Variants in ALG14 observed in about 807,000 individuals in gnomAD.
The protein encoded by ALG14 is UDP-N-acetylglucosamine transferase subunit ALG14.
Under a neutral mutation model 22.8 loss-of-function variants are expected in ALG14, and 17 were observed. The observed-to-expected ratio is 0.75, with a 90% CI of 0.51 to 1.12. The LOEUF (loss-of-function observed/expected upper bound fraction) is 1.12, where lower values mean the gene tolerates loss of function less well. Among genes scored for constraint, ALG14 ranks in the 50% most tolerant of loss-of-function variants. ALG14 has a pLI of 0.00. For missense variants in ALG14, 288 were observed against 271.8 expected (o/e 1.06, Z -0.42); for synonymous variants, 89 against 103.7 (o/e 0.86, Z 0.86).
intron 3 of ALG14, among the ~76,000 whole-genome samples, chr1:95,004,387 A>C (rs1233837506): frequency 6.6e-6 from 1 of 151,688 alleles, no homozygotes; most frequent in Non-Finnish European, 1.5e-5. Context: ...ATACCTGGCT[A>C]ATTTTCGTAT....
At chr1:95,000,154 G>T (rs1673019892) in intron 3 of ALG14, among the ~76,000 whole-genome samples, 1 of 152,168 alleles carries the variant, frequency 6.6e-6, no homozygotes, top group Non-Finnish European at 1.5e-5. Context: ...GTGGTTTGAA[G>T]GCTCACCTGA....
Position 94,977,995 on chromosome 1 carries a change from CG to C in ALG14, c.*5080del, listed in dbSNP as rs1672427972. The C allele has an allele frequency of 6.6e-6, 1 of 151,684 alleles. No homozygotes were observed. The highest frequency in any genetic ancestry group is 1.5e-5 in the Non-Finnish European group (1 of 67,948). The allele number at this position is 151,684 out of a possible 1,614,324, so 9.4% of individuals were successfully genotyped here. On this transcript the variant is annotated 3_prime_UTR_variant, in exon 4 of 4. Coordinates refer to ENST00000370205, the MANE Select transcript of ALG14 (RefSeq NM_144988.4). The stretch of plus-strand genomic sequence containing the variant: ...GTATAATGAGGTCCTGAGATCAAAA[CG>C]TTTGTGAAGCACTGGTCTAGATAAA...
chr1:95,072,883 C>T lies in ALG14; in HGVS notation c.16G>A (p.Val6Ile), dbSNP rs756921157. MVCVLVLAAAAGAVAV... is the reference protein window; with the variant it reads MVCVLILAAAAGAVAV... ...ACAGCTCCTGCGGCCGCAGCTAGAA[C>T]GAGAACGCACACCATGCAGAGAAAC... The change falls in exon 1 of 4, where the codon GTT becomes ATT. Residue 6 changes from valine to isoleucine, a missense_variant. Coordinates refer to ENST00000370205, the MANE Select transcript of ALG14 (RefSeq NM_144988.4). The T allele has an allele frequency of 2.0e-5, 32 of 1,613,952 alleles. No individual in the cohort carries two copies. The highest frequency in any genetic ancestry group is 2.4e-5 in the Non-Finnish European group (28 of 1,180,016).
intron 1 of ALG14, 96 bp from the exon 2 acceptor site, chr1:95,065,113 T>A (rs754951451): frequency 5.6e-6 from 6 of 1,069,994 alleles, no homozygotes; most frequent in Non-Finnish European, 7.7e-6. Context: ...AGGTTGGGGG[T>A]GGGGGGGCAC....
intron 1 of ALG14, among the ~76,000 whole-genome samples, chr1:95,069,576 T>A (rs1179533712): frequency 6.8e-6 from 1 of 146,534 alleles, no homozygotes; most frequent in African/African-American, 2.6e-5. Context: ...CTAGACTAAA[T>A]GACATTGGAG....
Position 95,009,167 on chromosome 1 carries a change from T to C in ALG14, c.420+17962A>G, listed in dbSNP as rs1413340509. Among the ~76,000 whole-genome samples the C allele has an allele frequency of 3.3e-5, 5 of 151,882 alleles. No homozygotes were observed. In the East Asian group the frequency reaches 9.6e-4, roughly 29 times the overall value. On this transcript the variant is annotated intron_variant, in intron 3 of 3. Transcript: ENST00000370205. ...CTTTCAGTTCTTTTGAGTATATGCC[T>C]AGGAGTAAATTTGCTGGATCATATG...
chr1:95,016,410 T>A (rs1027334014), intron 3 of ALG14, among the ~76,000 whole-genome samples: 1 of 152,186 alleles, frequency 6.6e-6, no homozygotes. Flanking sequence ...AGTTTGTAAT[T>A]CTAAGTGTAC....
intron 3 of ALG14, among the ~76,000 whole-genome samples, chr1:94,984,707 C>G (rs753535645): frequency 6.6e-6 from 1 of 152,152 alleles, no homozygotes; most frequent in Non-Finnish European, 1.5e-5. Context: ...TCTTCATAGT[C>G]CCCCAAGGCA....
chr1:95,027,661 T>C (rs1673862733), intron 2 of ALG14, among the ~76,000 whole-genome samples: 2 of 152,164 alleles, frequency 1.3e-5, no homozygotes, highest in South Asian at 4.1e-4. Context: ...ATGATAAACA[T>C]GTAAAAAGAT....
At chr1:95,033,456 TACAC>T (rs565814749) in intron 2 of ALG14, among the ~76,000 whole-genome samples, 1 of 148,580 alleles carries the variant, frequency 6.7e-6, no homozygotes, top group Non-Finnish European at 1.5e-5. Context: ...TACATATATA[TACAC>T]ACACACACAC....
rs1226604021 is a variant in ALG14 at position 95,029,078 on chromosome 1, G to A, written c.289-1818C>T. 2.0e-5 allele frequency among the ~76,000 whole-genome samples: 3 copies of A among 152,166 alleles called. No homozygotes were observed. In the East Asian group the frequency reaches 5.8e-4, roughly 29 times the overall value. On this transcript the variant is annotated intron_variant, in intron 2 of 3. Transcript: ENST00000370205. ...ATATTCTGTTTTTCACAGTTTCTGT[G>A]GGTCAGGAACCAAGAGTGGCTTAGT...
chr1:94,980,736 AC>A lies in ALG14; in HGVS notation c.*2339del, dbSNP rs1255083994. 2 of 152,220 alleles carry A rather than the reference AC, an allele frequency of 1.3e-5. No homozygotes were observed. The highest frequency in any genetic ancestry group is 2.9e-5 in the Non-Finnish European group (2 of 68,042). 9.4% of individuals were successfully genotyped at this position (152,220 alleles called of 1,614,324 possible). ...TCTGAATGATCAGGAAGATGCAATA[AC>A]ACATGTCTCAGCCTGGCTCTGAATG... On this transcript the variant is annotated 3_prime_UTR_variant, in exon 4 of 4. Coordinates refer to ENST00000370205, the MANE Select transcript of ALG14 (RefSeq NM_144988.4).
chr1:95,002,768 A>T (rs980937866), intron 3 of ALG14, among the ~76,000 whole-genome samples: 2 of 152,222 alleles, frequency 1.3e-5, no homozygotes, highest in Non-Finnish European at 2.9e-5. Flanking sequence ...TGGCAAGCAC[A>T]TGTGAGCTCA....
chr1:95,060,129 A>C (rs375564232), intron 2 of ALG14, among the ~76,000 whole-genome samples: 20 of 143,028 alleles, frequency 1.4e-4, no homozygotes, highest in East Asian at 4.6e-4. Flanking sequence ...TACACACACA[A>C]ACACACACAC....
chr1:95,025,032 A>G (rs1232544814), intron 3 of ALG14, among the ~76,000 whole-genome samples: 2 of 152,208 alleles, frequency 1.3e-5, no homozygotes, highest in Admixed American at 1.3e-4. Context: ...TATCTATGGC[A>G]GCTACAGCCT....
chr1:95,004,753 C>T (rs1673169995), intron 3 of ALG14, among the ~76,000 whole-genome samples: 1 of 152,038 alleles, frequency 6.6e-6, no homozygotes, highest in African/African-American at 2.4e-5. Context: ...TACCTGCCTC[C>T]CAACGTGCTG....
At chr1:95,064,718 T>C (rs1675294260) in intron 2 of ALG14, 148 bp downstream of exon 2, 1 of 648,228 alleles carries the variant, frequency 1.5e-6, no homozygotes, top group Non-Finnish European at 2.4e-6. Context: ...TCATATCTTT[T>C]GGTAGCAAAG....
intron 3 of ALG14, among the ~76,000 whole-genome samples, chr1:94,998,419 C>A (rs1250192720): frequency 6.6e-6 from 1 of 152,064 alleles, no homozygotes; most frequent in Non-Finnish European, 1.5e-5. Context: ...GAAGTGCTGG[C>A]AATGGGAAGA....
chr1:95,038,692 A>AC (rs941771156), intron 2 of ALG14, among the ~76,000 whole-genome samples: 2 of 151,618 alleles, frequency 1.3e-5, no homozygotes, highest in African/African-American at 4.8e-5. Flanking sequence ...AAAAAAAAAA[A>AC]AAAACAAAGT....
Sources: gnomAD v4.1 joint callset for allele counts (sites outside exome capture counted in the v4.1 genomes callset) on GRCh38, gnomAD v4.1.1 for gene constraint, MANE v1.5 for transcripts, NCBI Gene and HGNC (gene_info 2026-07-23, HGNC 2026-07-21) for gene names.